KIF13A: variants seen among roughly 807,000 people sequenced by gnomAD.
The protein encoded by KIF13A is kinesin family member 13A, also known as kinesin-like protein KIF13A.
KIF13A carries 79 observed loss-of-function variants against 212.2 expected under a neutral mutation model. That is an observed-to-expected ratio of 0.37 (90% CI 0.31 to 0.45). The LOEUF is 0.45. KIF13A is among the 20% of genes least tolerant of loss of function. The pLI, the probability that KIF13A is intolerant of heterozygous loss-of-function variation, is 1.00. For missense variants in KIF13A, 1,901 were observed against 2,209.0 expected (o/e 0.86, Z 2.79); for synonymous variants, 789 against 808.6 (o/e 0.98, Z 0.41).
At chr6:17,923,939 C>T (rs534185725) in intron 2 of KIF13A, among the ~76,000 whole-genome samples, 109 of 152,244 alleles carry the variant, frequency 7.2e-4, no homozygotes, top group African/African-American at 2.5e-3. Context: ...CCTCTCAGGT[C>T]AGGCCCAGTC....
intron 26 of KIF13A, among the ~76,000 whole-genome samples, chr6:17,788,128 C>G (rs1159526760): frequency 6.6e-6 from 1 of 152,090 alleles, no homozygotes; most frequent in African/African-American, 2.4e-5. Context: ...GCAAGACAAG[C>G]TCAAACTATA....
At chr6:17,910,565 AT>A (rs924733452) in intron 2 of KIF13A, among the ~76,000 whole-genome samples, 1 of 149,268 alleles carries the variant, frequency 6.7e-6, no homozygotes, top group South Asian at 2.2e-4. Context: ...TAGTAAGACA[AT>A]TTTTTTTAAA....
rs1462585050 is a variant in KIF13A at position 17,785,602 on chromosome 6, A to G, written c.3401T>C (p.Val1134Ala). The change falls in exon 28 of 39, where the codon GTG (valine) becomes GCG (alanine). Residue 1134 changes from valine (V) to alanine (A), a missense_variant. This residue lies in a region of KIF13A where 168 missense variants were observed against 250.9 expected (regional missense o/e 0.67). Coordinates refer to ENST00000259711, the MANE Select transcript of KIF13A (RefSeq NM_022113.6). This position sits in a 1 kb window ranked among gnomAD's most constrained non-coding sequence, Gnocchi z 5.8. ...EDDVEREAQL[V>A]EQWVGLTEER... is the part of the protein sequence containing the mutation. Reference sequence around the variant, plus strand: ...CTCAGTCAGCCCTACCCACTGCTCCACAAGCTGGGCTTCCCGCTCCACATC... The same window carrying G: ...CTCAGTCAGCCCTACCCACTGCTCCGCAAGCTGGGCTTCCCGCTCCACATC... 1 of 1,606,374 alleles carries G rather than the reference A, an allele frequency of 6.2e-7. No homozygotes were observed. The highest frequency in any genetic ancestry group is 8.5e-7 in the Non-Finnish European group (1 of 1,176,640).
chr6:17,958,035 T>G (rs1392716947), intron 2 of KIF13A, among the ~76,000 whole-genome samples: 1 of 152,116 alleles, frequency 6.6e-6, no homozygotes, highest in Non-Finnish European at 1.5e-5. Flanking sequence ...CTCTAAAAGC[T>G]CTCACCAAAC....
chr6:17,874,866 G>A (rs549766073), intron 3 of KIF13A, among the ~76,000 whole-genome samples: 80 of 151,204 alleles, frequency 5.3e-4, no homozygotes, highest in African/African-American at 1.9e-3. Context: ...GACATACAAC[G>A]TTTGGTTTTC....
chr6:17,969,921 T>C (rs1287448521), intron 2 of KIF13A, among the ~76,000 whole-genome samples: 5 of 149,084 alleles, frequency 3.4e-5, no homozygotes, highest in African/African-American at 9.7e-5. Flanking sequence ...TATTTACTTG[T>C]GTTTTCTTTT....
chr6:17,771,787 A>G lies in KIF13A; in HGVS notation c.4476+121T>C. On this transcript the variant is annotated intron_variant, in intron 37 of 38. Coordinates refer to ENST00000259711, the MANE Select transcript of KIF13A (RefSeq NM_022113.6). The surrounding 1 kb of genome is among the most constrained non-coding windows in gnomAD (Gnocchi z 5.4). ...GAGAAAGAGGAATTCGAGAACGGGA[A>G]CCATGGAGTGATGACCGTGCATGTC... The G allele has an allele frequency of 1.2e-6, 1 of 840,538 alleles. No homozygotes were observed. Among genetic ancestry groups the G allele is most frequent in the Non-Finnish European group, 1.9e-6 (1 of 525,882 alleles). The allele number at this position is 840,538 out of a possible 1,614,324, so 52.1% of individuals were successfully genotyped here. A position where few individuals can be genotyped will look rare whatever the true frequency, so the allele number is the denominator to read the frequency against.
rs188050943 is a variant in KIF13A at position 17,919,069 on chromosome 6, A to G, written c.147-20889T>C. On this transcript the variant is annotated intron_variant, in intron 2 of 38. Transcript: ENST00000259711. The surrounding 1 kb of genome is among the most constrained non-coding windows in gnomAD (Gnocchi z 4.1). Reference sequence around the variant, plus strand: ...TGGACAGATGCAGTCCTTGGCTCACATCAACGGATCACTTGTAACATTTGA... The same window carrying G: ...TGGACAGATGCAGTCCTTGGCTCACGTCAACGGATCACTTGTAACATTTGA... Among the ~76,000 whole-genome samples, 392 of 152,286 alleles carry G rather than the reference A, an allele frequency of 2.6e-3. 1 individual carries two copies. Among genetic ancestry groups the G allele is most frequent in the Non-Finnish European group, 3.2e-3 (217 of 68,018 alleles).
rs1763254584 is a variant in KIF13A, at chr6:17,809,531, C to A, written c.2001-601G>T. Among the ~76,000 whole-genome samples the A allele has an allele frequency of 6.6e-6, 1 of 152,188 alleles. No homozygotes were observed. Among genetic ancestry groups the A allele is most frequent in the Non-Finnish European group, 1.5e-5 (1 of 68,038 alleles). ...TCCATAGCATTTGCCATAGTTAGAA[C>A]TTTTCATTTTTACTCGTATAATTAT... On this transcript the variant is annotated intron_variant, in intron 17 of 38. Coordinates refer to ENST00000259711, the MANE Select transcript of KIF13A (RefSeq NM_022113.6). The surrounding 1 kb of genome is among the most constrained non-coding windows in gnomAD (Gnocchi z 4.7).
At chr6:17,759,315 A>G (rs542555402), downstream of KIF13A, 1 of 152,156 alleles carries the variant, frequency 6.6e-6, no homozygotes, top group East Asian at 1.9e-4. Context: ...AATGTGTACC[A>G]ATTAAACACA....
At chr6:17,937,761 T>C (rs13214472) in intron 2 of KIF13A, among the ~76,000 whole-genome samples, 1 of 137,602 alleles carries the variant, frequency 7.3e-6, no homozygotes, top group Admixed American at 7.2e-5. Flanking sequence ...TTTTTTTTTG[T>C]TTTTTTGAGA....
intron 9 of KIF13A, among the ~76,000 whole-genome samples, chr6:17,846,419 A>C (rs1217720013): frequency 6.6e-6 from 1 of 152,150 alleles, no homozygotes. Flanking sequence ...AAGGAAGATC[A>C]TATCTCATAA....
chr6:17,980,567 G>A (rs938962370), intron 2 of KIF13A, among the ~76,000 whole-genome samples: 2 of 152,118 alleles, frequency 1.3e-5, no homozygotes, highest in Non-Finnish European at 2.9e-5. Context: ...AGGAACTCTA[G>A]AGAGCACCTG....
In KIF13A at chr6:17,771,285, TA is replaced by T. The variant is rs1759474778; in HGVS notation, c.4477-68del. The T allele has an allele frequency of 1.0e-6, 1 of 974,294 alleles. No individual in the cohort carries two copies. The highest frequency in any genetic ancestry group is 1.6e-6 in the Non-Finnish European group (1 of 622,706). 60.4% of individuals were successfully genotyped at this position (974,294 alleles called of 1,614,324 possible). A position where few individuals can be genotyped will look rare whatever the true frequency, so the allele number is the denominator to read the frequency against. On this transcript the variant is annotated intron_variant, in intron 37 of 38. Transcript: ENST00000259711. The surrounding 1 kb of genome is among the most constrained non-coding windows in gnomAD (Gnocchi z 5.4). ...GACAACGGCCAAAATACATATTAAG[TA>T]CATGCAAGTTAGAAAAGCAATGCTA...
chr6:17,770,756 T>C (rs1759425175), intron 38 of KIF13A: 1 of 975,216 alleles, frequency 1.0e-6, no homozygotes, highest in Non-Finnish European at 1.2e-6. Flanking sequence ...TCCAAGTAAG[T>C]GCACTTCCTC....
At chr6:17,813,084 C>T (rs906558596) in intron 17 of KIF13A, among the ~76,000 whole-genome samples, 38 of 152,244 alleles carry the variant, frequency 2.5e-4, no homozygotes, top group African/African-American at 7.0e-4. Context: ...TGTTGCTTGG[C>T]GTGAAGCCAC....
At chr6:17,840,234 A>ACTT (rs140418585) in intron 9 of KIF13A, among the ~76,000 whole-genome samples, 4,048 of 152,324 alleles carry the variant, frequency 0.027, 76 homozygotes, top group Non-Finnish European at 0.04. Context: ...TATGTGAGTT[A>ACTT]CTTAATACAG....
intron 20 of KIF13A, among the ~76,000 whole-genome samples, chr6:17,800,885 C>T (rs946333389): frequency 6.6e-6 from 1 of 151,972 alleles, no homozygotes; most frequent in South Asian, 2.1e-4. Context: ...AATCATAAGC[C>T]ACCGTGTCCG....
intron 18 of KIF13A, among the ~76,000 whole-genome samples, chr6:17,807,689 G>GCTAGACTGGTATTAGTAGTTCTGCTT (rs1554168929): frequency 2.0e-5 from 3 of 152,038 alleles, no homozygotes; most frequent in Admixed American, 6.6e-5. Context: ...TGTGATCTTT[G>GCTAGACTGGTATTAGTAGTTCTGCTT]TACCTACTCC....
Sources: allele counts gnomAD v4.1 joint callset (sites outside exome capture counted in the v4.1 genomes callset), GRCh38; gene constraint gnomAD v4.1.1; regional missense constraint gnomAD v4.1.1; non-coding constraint Gnocchi (gnomAD v3.1); transcripts MANE v1.5; gene names NCBI Gene and HGNC (gene_info 2026-07-23, HGNC 2026-07-21).